Variants in NCKAP1L observed in about 807,000 individuals in gnomAD.
The protein encoded by NCKAP1L is nck-associated protein 1-like.
Under a neutral mutation model 139.2 loss-of-function variants are expected in NCKAP1L, and 53 were observed. The ratio of observed to expected loss-of-function variants is 0.38; its 90% CI spans 0.31 to 0.48. NCKAP1L has a LOEUF of 0.48. Among genes scored for constraint, NCKAP1L ranks in the 20% least tolerant of loss-of-function variants. NCKAP1L has a pLI of 0.98. For synonymous variants in NCKAP1L, 468 were observed against 499.7 expected (o/e 0.94, Z 0.85); for missense variants, 1,151 against 1,381.9 (o/e 0.83, Z 2.65).
At chr12:54,503,319 T>C (rs920372577) in intron 3 of NCKAP1L, among the ~76,000 whole-genome samples, 4 of 151,938 alleles carry the variant, frequency 2.6e-5, no homozygotes, top group Non-Finnish European at 5.9e-5. Context: ...AAAATAAAAA[T>C]TAATATGATG....
At chr12:54,519,129 C>T (rs1386729164) in intron 15 of NCKAP1L, 58 bp from the exon 16 acceptor site, 12 of 1,557,588 alleles carry the variant, frequency 7.7e-6, no homozygotes, top group Non-Finnish European at 1.0e-5. Flanking sequence ...AATTCCAAGG[C>T]TGGGGGCCTT....
At chr12:54,519,025 C>T in intron 15 of NCKAP1L, 53 bp downstream of exon 15, 21 of 1,571,714 alleles carry the variant, frequency 1.3e-5, no homozygotes, top group Non-Finnish European at 1.8e-5. Flanking sequence ...TCCTCCCCCA[C>T]AATCCCTTCT....
intron 9 of NCKAP1L, among the ~76,000 whole-genome samples, chr12:54,515,397 T>C (rs1342551748): frequency 2.6e-5 from 4 of 152,218 alleles, no homozygotes; most frequent in Non-Finnish European, 4.4e-5. Flanking sequence ...AAGATAATGC[T>C]GGGATTCTGA....
intron 29 of NCKAP1L, among the ~76,000 whole-genome samples, chr12:54,538,088 G>A (rs759452222): frequency 6.6e-6 from 1 of 152,172 alleles, no homozygotes; most frequent in Non-Finnish European, 1.5e-5. Context: ...GCAAAGTATG[G>A]TCCCGATATA....
Position 54,547,885 on chromosome 12 carries a change from G to A in NCKAP1L, c.*5200G>A, listed in dbSNP as rs1338532741. On this transcript the variant is annotated 3_prime_UTR_variant, in exon 31 of 31. Coordinates refer to ENST00000293373, the MANE Select transcript of NCKAP1L (RefSeq NM_005337.5). ...TGGCTGGGTCTGGGGAAAAGCCAAG[G>A]GATGTGTGCTAAAGGTAGATGGACA... is the stretch of plus-strand genomic sequence containing the variant. 6.6e-6 allele frequency: 1 copy of A among 152,164 alleles called. No individual in the cohort carries two copies. The highest frequency in any genetic ancestry group is 1.5e-5 in the Non-Finnish European group (1 of 68,030). 9.4% of individuals were successfully genotyped at this position (152,164 alleles called of 1,614,324 possible).
At chr12:54,536,665 G>T in intron 28 of NCKAP1L, 1 of 237,194 alleles carries the variant, frequency 4.2e-6, no homozygotes. Context: ...TTTAAAAAAA[G>T]AAAAAAAAAA....
intron 3 of NCKAP1L, among the ~76,000 whole-genome samples, chr12:54,505,618 G>A (rs1409542898): frequency 6.6e-6 from 1 of 151,426 alleles, no homozygotes; most frequent in Non-Finnish European, 1.5e-5. Flanking sequence ...ATGTTTCTGA[G>A]ATTGATCTAT....
chr12:54,516,165 G>T, intron 9 of NCKAP1L, 74 bp from the exon 10 acceptor site: 1 of 1,517,100 alleles, frequency 6.6e-7, no homozygotes, highest in South Asian at 1.1e-5. Context: ...TGGACTCTCT[G>T]AGGACTGGGA....
At chr12:54,518,259 G>A (rs1592344048) in intron 13 of NCKAP1L, among the ~76,000 whole-genome samples, 1 of 151,800 alleles carries the variant, frequency 6.6e-6, no homozygotes, top group Non-Finnish European at 1.5e-5. Context: ...GGAGAACGGC[G>A]TGAACCCGAG....
At chr12:54,519,017 C>T in intron 15 of NCKAP1L, 45 bp downstream of exon 15, 2 of 1,578,550 alleles carry the variant, frequency 1.3e-6, no homozygotes, top group East Asian at 2.2e-5. Flanking sequence ...CAGATTCTTC[C>T]TCCCCCACAA....
At chr12:54,503,702 T>C (rs1344731843) in intron 3 of NCKAP1L, among the ~76,000 whole-genome samples, 1 of 151,312 alleles carries the variant, frequency 6.6e-6, no homozygotes, top group Non-Finnish European at 1.5e-5. Context: ...TACAGTGGCG[T>C]GATCTCGGCT....
intron 9 of NCKAP1L, among the ~76,000 whole-genome samples, chr12:54,514,963 C>G (rs1242140651): frequency 2.6e-5 from 4 of 152,216 alleles, no homozygotes; most frequent in African/African-American, 9.6e-5. Context: ...AGAGCAGCAA[C>G]TAACTTGTGT....
Position 54,500,626 on chromosome 12 carries a change from G to T in NCKAP1L, c.306+1G>T, listed in dbSNP as rs780680499. 1.3e-6 allele frequency: 2 copies of T among 1,599,220 alleles called. No individual in the cohort carries two copies. The highest frequency in any genetic ancestry group is 1.7e-6 in the Non-Finnish European group (2 of 1,166,728). On this transcript the variant is annotated splice_donor_variant, in intron 3 of 30. Transcript: ENST00000293373. LOFTEE classifies it high-confidence loss of function. ...ATTTGTGGATGTCATGGAATTTCGG[G>T]TGAGCTCTCTTGAGCCGTTTCCAAT...
At chr12:54,503,597 A>G (rs1305383456) in intron 3 of NCKAP1L, among the ~76,000 whole-genome samples, 1 of 151,712 alleles carries the variant, frequency 6.6e-6, no homozygotes, top group Non-Finnish European at 1.5e-5. Flanking sequence ...CTGTTAAAGT[A>G]TACACACATA....
intron 30 of NCKAP1L, among the ~76,000 whole-genome samples, chr12:54,541,224 G>A (rs1957155690): frequency 6.6e-6 from 1 of 152,208 alleles, no homozygotes; most frequent in South Asian, 2.1e-4. Flanking sequence ...GGAAACTGAA[G>A]AATAGGGAGG....
chr12:54,518,143 A>G (rs1240777904), intron 13 of NCKAP1L, among the ~76,000 whole-genome samples: 1 of 152,166 alleles, frequency 6.6e-6, no homozygotes, highest in Non-Finnish European at 1.5e-5. Context: ...GATCGAGACC[A>G]TCCTGGCTAA....
intron 3 of NCKAP1L, 84 bp from the exon 4 acceptor site, chr12:54,507,769 A>C: frequency 7.9e-7 from 1 of 1,268,394 alleles, no homozygotes; most frequent in Non-Finnish European, 1.2e-6. Context: ...CCTCTAAGGG[A>C]GAGGTCCCTT....
chr12:54,519,067 G>A, intron 15 of NCKAP1L, 95 bp downstream of exon 15: 1 of 1,550,044 alleles, frequency 6.5e-7, no homozygotes, highest in Middle Eastern at 1.7e-4. Context: ...TTTATGGAGT[G>A]AGTCAACTTT....
Position 54,517,604 on chromosome 12 carries a change from T to C in NCKAP1L, c.1167T>C (p.Asn389=), listed in dbSNP as rs1377570827. The C allele has an allele frequency of 6.2e-7, 1 of 1,614,090 alleles. No individual in the cohort carries two copies. The highest frequency in any genetic ancestry group is 2.2e-5 in the East Asian group (1 of 44,884). ...EVTWLVRHTE[N]VTKTKTPEDY... ...CCTGGCTGGTTCGCCACACAGAGAA[T>C]GTCACCAAGACAAAGACACCTGAGG... The change falls in exon 12 of 31, where the codon AAT becomes AAC. Residue 389 remains asparagine, a synonymous_variant. Coordinates refer to ENST00000293373, the MANE Select transcript of NCKAP1L (RefSeq NM_005337.5).
Sources: allele counts gnomAD v4.1 joint callset (sites outside exome capture counted in the v4.1 genomes callset), GRCh38; gene constraint gnomAD v4.1.1; transcripts MANE v1.5; gene names NCBI Gene and HGNC (gene_info 2026-07-23, HGNC 2026-07-21).